GRIP1: variants seen among roughly 807,000 people sequenced by gnomAD.
The protein encoded by GRIP1 is glutamate receptor interacting protein 1, also known as glutamate receptor-interacting protein 1.
In GRIP1, 45 loss-of-function variants were observed where a neutral mutation model predicts 129.9. The observed-to-expected ratio is 0.35, with a 90% CI of 0.27 to 0.44. The LOEUF (loss-of-function observed/expected upper bound fraction) is 0.44, where lower values mean the gene tolerates loss of function less well. Ranked by LOEUF, GRIP1 falls within the 20% of genes least tolerant of loss-of-function variation. The pLI, the probability that GRIP1 is intolerant of heterozygous loss-of-function variation, is 1.00. For synonymous variants in GRIP1, 530 were observed against 520.8 expected, an observed-to-expected ratio of 1.02 and a Z score of -0.24; for missense variants, 1,196 against 1,396.8, an observed-to-expected ratio of 0.86 and a Z score of 2.29.
At chr12:66,606,535 C>T (rs540610241) in intron 1 of GRIP1, among the ~76,000 whole-genome samples, 26 of 152,156 alleles carry the variant, frequency 1.7e-4, no homozygotes, top group African/African-American at 6.0e-4. Flanking sequence ...CTAATACTTA[C>T]AGAGCATTCA....
At chr12:66,951,272 A>C (rs1357062797) in intron 1 of GRIP1, among the ~76,000 whole-genome samples, 1 of 152,228 alleles carries the variant, frequency 6.6e-6, no homozygotes, top group Non-Finnish European at 1.5e-5. Context: ...AAGTGGTTTT[A>C]ATTTCTTTGA....
At chr12:66,775,374 C>T (rs2037947529) in intron 1 of GRIP1, among the ~76,000 whole-genome samples, 1 of 152,156 alleles carries the variant, frequency 6.6e-6, no homozygotes, top group Non-Finnish European at 1.5e-5. Flanking sequence ...GCATCTTTGA[C>T]AACACAGTAG....
intron 1 of GRIP1, among the ~76,000 whole-genome samples, chr12:66,783,936 T>G (rs2038237012): frequency 6.6e-6 from 1 of 152,192 alleles, no homozygotes; most frequent in Non-Finnish European, 1.5e-5. Flanking sequence ...TCATTCATCA[T>G]GCATTGCAAA....
At chr12:67,032,410 C>T (rs926264031) in intron 1 of GRIP1, among the ~76,000 whole-genome samples, 1 of 152,166 alleles carries the variant, frequency 6.6e-6, no homozygotes, top group Admixed American at 6.5e-5. Flanking sequence ...CTCTTACCTA[C>T]AATAATAGAC....
chr12:66,496,352 C>A (rs574793878), intron 7 of GRIP1, among the ~76,000 whole-genome samples: 1 of 152,232 alleles, frequency 6.6e-6, no homozygotes, highest in South Asian at 2.1e-4. Flanking sequence ...ACCCAGCTTT[C>A]GATGAGCCAA....
At chr12:66,579,010 C>A (rs180673832) in intron 2 of GRIP1, among the ~76,000 whole-genome samples, 2,330 of 152,286 alleles carry the variant, frequency 0.015, 66 homozygotes, top group African/African-American at 0.053. Flanking sequence ...AGGCACCCCC[C>A]AGTAGGGGCA....
chr12:66,401,040 C>T (rs527783378), intron 16 of GRIP1, among the ~76,000 whole-genome samples: 45 of 152,294 alleles, frequency 3.0e-4, no homozygotes, highest in African/African-American at 9.9e-4. Context: ...CTGGACACTA[C>T]CTGAGTTACA....
At chr12:66,929,641 A>G (rs2041354806) in intron 1 of GRIP1, among the ~76,000 whole-genome samples, 2 of 152,042 alleles carry the variant, frequency 1.3e-5, no homozygotes, top group South Asian at 2.1e-4. Flanking sequence ...CCTCCTTCAT[A>G]TTTGCCTGCT....
At chr12:66,418,647 T>C (rs1355221020) in intron 15 of GRIP1, among the ~76,000 whole-genome samples, 2 of 152,136 alleles carry the variant, frequency 1.3e-5, no homozygotes, top group African/African-American at 4.8e-5. Context: ...TGAATAGTCA[T>C]TTCTCAAAAG....
At chr12:66,882,107 T>C (rs1157688943) in intron 1 of GRIP1, among the ~76,000 whole-genome samples, 1 of 151,388 alleles carries the variant, frequency 6.6e-6, no homozygotes, top group Non-Finnish European at 1.5e-5. Flanking sequence ...ATCACATGAA[T>C]AGGCAGGCAA....
chr12:66,851,595 C>T (rs569742556), intron 1 of GRIP1, among the ~76,000 whole-genome samples: 3 of 152,204 alleles, frequency 2.0e-5, no homozygotes, highest in Admixed American at 6.6e-5. Context: ...AGTCACTAAT[C>T]AGTTCAGTGA....
intron 1 of GRIP1, among the ~76,000 whole-genome samples, chr12:66,746,658 C>A (rs73327091): frequency 0.051 from 7,692 of 152,172 alleles, 505 homozygotes; most frequent in African/African-American, 0.15. Context: ...ACCTGCATTA[C>A]CCACAGGGTA....
chr12:66,528,981 A>C lies in GRIP1; in HGVS notation c.502+850T>G, dbSNP rs578073297. On this transcript the variant is annotated intron_variant, in intron 5 of 24. Coordinates refer to ENST00000359742, the MANE Select transcript of GRIP1 (RefSeq NM_001366722.1). ...AACAATCCCATCAAAAAGTGGGCTA[A>C]GGACATGAATAGACAATTCTCAAAA... Among the ~76,000 whole-genome samples the C allele has an allele frequency of 1.8e-3, 276 of 152,360 alleles. 1 individual carries two copies. Among genetic ancestry groups the C allele is most frequent in the African/African-American group, 6.4e-3 (267 of 41,594 alleles).
chr12:66,662,078 A>G (rs2033543749), intron 1 of GRIP1, among the ~76,000 whole-genome samples: 1 of 152,158 alleles, frequency 6.6e-6, no homozygotes, highest in African/African-American at 2.4e-5. Context: ...TTAATTGTGT[A>G]CCAACCTTGG....
At chr12:66,590,093 C>T (rs991268767) in intron 2 of GRIP1, among the ~76,000 whole-genome samples, 1 of 152,086 alleles carries the variant, frequency 6.6e-6, no homozygotes, top group Non-Finnish European at 1.5e-5. Context: ...TTTTCTGACA[C>T]TGGAGGCTGT....
chr12:66,835,145 A>G (rs1178930482), intron 1 of GRIP1, among the ~76,000 whole-genome samples: 6 of 152,166 alleles, frequency 3.9e-5, no homozygotes, highest in Non-Finnish European at 7.3e-5. Flanking sequence ...CGAACAACCA[A>G]CCAACCAAAT....
intron 1 of GRIP1, among the ~76,000 whole-genome samples, chr12:66,700,991 A>T (rs968879317): frequency 6.6e-6 from 1 of 152,122 alleles, no homozygotes; most frequent in Non-Finnish European, 1.5e-5. Flanking sequence ...AGACAGGCTA[A>T]CCTCATTAAT....
At chr12:66,611,543 T>C (rs75129901) in intron 1 of GRIP1, among the ~76,000 whole-genome samples, 6,467 of 152,266 alleles carry the variant, frequency 0.042, 184 homozygotes, top group Non-Finnish European at 0.065. Context: ...TGAAATATAA[T>C]GCAAAGGCTG....
chr12:66,646,914 C>T (rs114698460), intron 1 of GRIP1, among the ~76,000 whole-genome samples: 4,271 of 152,222 alleles, frequency 0.028, 224 homozygotes, highest in African/African-American at 0.097. Flanking sequence ...CAGCTGTAGA[C>T]CTCTCTATTC....
Sources: gnomAD v4.1 joint callset for allele counts (sites outside exome capture counted in the v4.1 genomes callset) on GRCh38, gnomAD v4.1.1 for gene constraint, MANE v1.5 for transcripts, NCBI Gene and HGNC (gene_info 2026-07-23, HGNC 2026-07-21) for gene names.